The following SELP variants were observed in gnomAD, a reference collection of about 807,000 sequenced individuals.
SELP encodes selectin P, also known as P-selectin.
Under a neutral mutation model 104.1 loss-of-function variants are expected in SELP, and 92 were observed. The ratio of observed to expected loss-of-function variants is 0.88; its 90% CI spans 0.75 to 1.05. SELP has a LOEUF of 1.05. Ranked by LOEUF, SELP falls within the 50% of genes least tolerant of loss-of-function variation. The pLI is 0.00. For missense variants in SELP, 1,022 were observed against 1,017.3 expected (o/e 1.00, Z -0.06); for synonymous variants, 397 against 364.5 (o/e 1.09, Z -1.01).
intron 10 of SELP, among the ~76,000 whole-genome samples, chr1:169,600,127 C>T (rs965285788): frequency 6.6e-6 from 1 of 151,840 alleles, no homozygotes; most frequent in African/African-American, 2.4e-5. Flanking sequence ...ACTTCAGGTC[C>T]TGAAGGGCAA....
chr1:169,615,477 A>G (rs1278806261), intron 3 of SELP, among the ~76,000 whole-genome samples: 1 of 152,094 alleles, frequency 6.6e-6, no homozygotes, highest in Non-Finnish European at 1.5e-5. Context: ...GGCAAGCTTT[A>G]TTGAGGAAGA....
At chr1:169,594,924 TGAAA>T in intron 12 of SELP, 47 bp from the exon 13 acceptor site, 1 of 1,545,192 alleles carries the variant, frequency 6.5e-7, no homozygotes, top group Non-Finnish European at 8.9e-7. Flanking sequence ...GGATTGGAGG[TGAAA>T]GAGATTATAG....
chr1:169,603,348 T>A (rs1253919112), intron 9 of SELP, 137 bp from the exon 10 acceptor site: 1 of 640,074 alleles, frequency 1.6e-6, no homozygotes, highest in African/African-American at 1.9e-5. Flanking sequence ...TGTGTGTGTG[T>A]GATTAATATA....
intron 10 of SELP, among the ~76,000 whole-genome samples, chr1:169,598,329 G>A (rs1210038240): frequency 6.6e-6 from 1 of 152,124 alleles, no homozygotes; most frequent in Non-Finnish European, 1.5e-5. Context: ...GGTCAGATAA[G>A]TCTCATTTAC....
At chr1:169,589,872 A>G (rs1347556883) in intron 16 of SELP, among the ~76,000 whole-genome samples, 3 of 152,162 alleles carry the variant, frequency 2.0e-5, no homozygotes, top group African/African-American at 7.2e-5. Context: ...ATCACCACCT[A>G]GCAGTTAATA....
chr1:169,611,445 A>G (rs779743770), intron 7 of SELP, 47 bp downstream of exon 7: 46 of 1,591,800 alleles, frequency 2.9e-5, no homozygotes, highest in East Asian at 2.7e-4. Context: ...CTACCATGCC[A>G]TGATTCCTTC....
Position 169,591,420 on chromosome 1 carries a change from C to G in SELP, c.2438+6G>C, listed in dbSNP as rs376312486. ...TTTACTCAATCATAAAACATTTCTACCTTACCTGTGAGGATTCAAGGGGCA... is the reference window on the plus strand; with the variant it reads ...TTTACTCAATCATAAAACATTTCTAGCTTACCTGTGAGGATTCAAGGGGCA... On this transcript the variant is annotated splice_donor_region_variant and intron_variant, in intron 15 of 16. Transcript: ENST00000263686. The G allele has an allele frequency of 1.9e-6, 3 of 1,577,120 alleles. No homozygotes were observed. Among genetic ancestry groups the G allele is most frequent in the African/African-American group, 2.8e-5 (2 of 72,584 alleles).
chr1:169,613,577 A>C lies in SELP; in HGVS notation c.589+9T>G. 6.2e-7 allele frequency: 1 copy of C among 1,605,336 alleles called. No homozygotes were observed. The highest frequency in any genetic ancestry group is 8.5e-7 in the Non-Finnish European group (1 of 1,172,070). On this transcript the variant is annotated intron_variant, in intron 4 of 16. Transcript: ENST00000263686. ...AACCAAAATAATATCAACAAAAAGG[A>C]AGCCTCACCGTATTCACATTCTGGC...
At chr1:169,628,164 G>A (rs931107915) in intron 1 of SELP, among the ~76,000 whole-genome samples, 1 of 152,188 alleles carries the variant, frequency 6.6e-6, no homozygotes, top group Non-Finnish European at 1.5e-5. Flanking sequence ...CCAAAGTGCT[G>A]GGATTACAGG....
intron 2 of SELP, among the ~76,000 whole-genome samples, chr1:169,617,925 C>T (rs572137201): frequency 6.6e-6 from 1 of 152,180 alleles, no homozygotes; most frequent in Non-Finnish European, 1.5e-5. Context: ...TGCACATGCT[C>T]TCCCCACAAT....
intron 9 of SELP, among the ~76,000 whole-genome samples, chr1:169,606,296 G>A (rs1333345414): frequency 1.3e-5 from 2 of 152,212 alleles, no homozygotes; most frequent in South Asian, 2.1e-4. Flanking sequence ...CAGCCTGGGC[G>A]ACAGAGTGAG....
In SELP at chr1:169,591,678, C is replaced by A; in HGVS notation, c.2408-222G>T. The A allele has an allele frequency of 1.9e-5, 7 of 359,616 alleles. No homozygotes were observed. The South Asian group carries it at 3.5e-4, about 18-fold the overall frequency. 22.3% of individuals were successfully genotyped at this position (359,616 alleles called of 1,614,324 possible). A position where few individuals can be genotyped will look rare whatever the true frequency, so the allele number is the denominator to read the frequency against. On this transcript the variant is annotated intron_variant, in intron 14 of 16. Transcript: ENST00000263686. The stretch of plus-strand genomic sequence containing the variant: ...TTTAACTCCAGAGTCCTGTCACTTT[C>A]TTCCTCCTTCCTTTCAGTAAATACA...
chr1:169,620,333 G>A (rs1054838298), intron 1 of SELP, among the ~76,000 whole-genome samples: 7 of 151,166 alleles, frequency 4.6e-5, no homozygotes, highest in African/African-American at 1.5e-4. Context: ...CAGAATGACA[G>A]TAGCAGAGCT....
intron 10 of SELP, among the ~76,000 whole-genome samples, chr1:169,600,245 A>G (rs1474751100): frequency 6.6e-6 from 1 of 151,978 alleles, no homozygotes; most frequent in Non-Finnish European, 1.5e-5. Context: ...AATAAATTAT[A>G]TAAAGTTCCA....
chr1:169,611,435 C>A, intron 7 of SELP, 57 bp downstream of exon 7: 1 of 1,572,486 alleles, frequency 6.4e-7, no homozygotes, highest in South Asian at 1.2e-5. Flanking sequence ...CTTGGCCTCT[C>A]TACCATGCCA....
chr1:169,600,666 C>T (rs550811886), intron 10 of SELP, among the ~76,000 whole-genome samples: 1 of 152,336 alleles, frequency 6.6e-6, no homozygotes, highest in Admixed American at 6.5e-5. Context: ...CTGAGTCCAT[C>T]TGATGTATCC....
At chr1:169,619,086 C>T (rs1343556141) in intron 2 of SELP, 43 bp downstream of exon 2, 2 of 1,476,298 alleles carry the variant, frequency 1.4e-6, no homozygotes, top group African/African-American at 2.8e-5. Flanking sequence ...TGGGCTCTAC[C>T]CTAATTACTT....
Position 169,596,088 on chromosome 1 carries a change from G to A in SELP, c.1938C>T (p.Thr646=). The change falls in exon 12 of 17, where the codon ACC becomes ACT. Residue 646 remains threonine (T), a synonymous_variant. Coordinates refer to ENST00000263686, the MANE Select transcript of SELP (RefSeq NM_003005.4). ...PTPGVQCPAL[T]TPGQGTMYCR... is the part of the protein sequence containing the mutation. ...AGTACATGGTTCCCTGCCCAGGAGT[G>A]GTGAGGGCTGGACATTGCACCCCTG... is the stretch of plus-strand genomic sequence containing the variant. 1.9e-6 allele frequency: 3 copies of A among 1,613,844 alleles called. No homozygotes were observed. The highest frequency in any genetic ancestry group is 2.5e-6 in the Non-Finnish European group (3 of 1,179,832).
chr1:169,613,650 G>A lies in SELP; in HGVS notation c.525C>T (p.Leu175=), dbSNP rs1213349066. 5.0e-6 allele frequency: 8 copies of A among 1,613,612 alleles called. No individual in the cohort carries two copies. Among genetic ancestry groups the A allele is most frequent in the East Asian group, 4.5e-5 (2 of 44,858 alleles). Residue 175 remains leucine (L), a synonymous_variant, in exon 4 of 17, where the codon CTC becomes CTT. Coordinates refer to ENST00000263686, the MANE Select transcript of SELP (RefSeq NM_003005.4). ...AGCAGGTGTAGTTCCCGATGGTCTC[G>A]AGGCACTCTCCTTGTTTGCTGCAGG... ...DMSCSKQGEC[L]ETIGNYTCSC...
Sources: allele counts gnomAD v4.1 joint callset (sites outside exome capture counted in the v4.1 genomes callset), GRCh38; gene constraint gnomAD v4.1.1; transcripts MANE v1.5; gene names NCBI Gene and HGNC (gene_info 2026-07-23, HGNC 2026-07-21).